ST6GALNAC3: variants seen among roughly 807,000 people sequenced by gnomAD.
The protein encoded by ST6GALNAC3 is alpha-N-acetylgalactosaminide alpha-2,6-sialyltransferase 3.
ST6GALNAC3 carries 25 observed loss-of-function variants against 32.7 expected under a neutral mutation model. The ratio of observed to expected loss-of-function variants is 0.76; its 90% CI spans 0.56 to 1.07. The LOEUF is 1.07. ST6GALNAC3 is among the 50% of genes least tolerant of loss of function. The pLI is 0.00. For synonymous variants in ST6GALNAC3, 129 were observed against 133.1 expected (o/e 0.97, Z 0.21); for missense variants, 355 against 382.4 (o/e 0.93, Z 0.60).
chr1:76,112,667 G>A (rs180710940), intron 1 of ST6GALNAC3, among the ~76,000 whole-genome samples: 14,887 of 149,330 alleles, frequency 0.1, 989 homozygotes, highest in Non-Finnish European at 0.14. Context: ...CAGATGGGGC[G>A]GTTGCCAGGC....
At chr1:76,206,776 A>G (rs1332719270) in intron 1 of ST6GALNAC3, among the ~76,000 whole-genome samples, 4 of 152,144 alleles carry the variant, frequency 2.6e-5, no homozygotes. Flanking sequence ...ATAGATGGTG[A>G]TTGTTATAAA....
At chr1:76,248,008 G>T (rs528920669) in intron 1 of ST6GALNAC3, among the ~76,000 whole-genome samples, 22 of 152,216 alleles carry the variant, frequency 1.4e-4, no homozygotes, top group Admixed American at 1.2e-3. Context: ...TGGGAAAAGC[G>T]TAGTACCCAG....
At chr1:76,514,140 T>G (rs1662033289) in intron 3 of ST6GALNAC3, among the ~76,000 whole-genome samples, 1 of 152,222 alleles carries the variant, frequency 6.6e-6, no homozygotes, top group Non-Finnish European at 1.5e-5. Flanking sequence ...CCAAATTGCA[T>G]GCCTTTTATT....
chr1:76,102,212 C>T (rs1433423516), intron 1 of ST6GALNAC3, among the ~76,000 whole-genome samples: 1 of 149,544 alleles, frequency 6.7e-6, no homozygotes, highest in Non-Finnish European at 1.5e-5. Flanking sequence ...AGCTTTCTTT[C>T]AGTTAGTATT....
intron 3 of ST6GALNAC3, among the ~76,000 whole-genome samples, chr1:76,594,181 G>C (rs1012884452): frequency 2.6e-5 from 4 of 152,044 alleles, no homozygotes; most frequent in Non-Finnish European, 5.9e-5. Flanking sequence ...TTTTTTAGGA[G>C]TATAAACGTA....
chr1:76,326,830 T>G (rs1647081372), intron 2 of ST6GALNAC3, among the ~76,000 whole-genome samples: 2 of 150,730 alleles, frequency 1.3e-5, no homozygotes, highest in Admixed American at 1.3e-4. Flanking sequence ...TTTTGGGTTT[T>G]TTTTTTTTTT....
intron 3 of ST6GALNAC3, among the ~76,000 whole-genome samples, chr1:76,601,870 G>A (rs1011472545): frequency 6.6e-6 from 1 of 152,196 alleles, no homozygotes; most frequent in South Asian, 2.1e-4. Flanking sequence ...AGATTTCAAA[G>A]CAGTTAAGAG....
chr1:76,624,122 G>C (rs1298840524), intron 3 of ST6GALNAC3, among the ~76,000 whole-genome samples: 1 of 151,942 alleles, frequency 6.6e-6, no homozygotes, highest in Non-Finnish European at 1.5e-5. Flanking sequence ...CTGTTTGTAG[G>C]ACAGGGCACT....
chr1:76,127,712 G>C (rs915240616), intron 1 of ST6GALNAC3, among the ~76,000 whole-genome samples: 1 of 152,130 alleles, frequency 6.6e-6, no homozygotes, highest in African/African-American at 2.4e-5. Context: ...TGTCAGCAAT[G>C]TCTGTCTTCT....
intron 1 of ST6GALNAC3, among the ~76,000 whole-genome samples, chr1:76,118,828 AT>A (rs1470601056): frequency 6.6e-6 from 1 of 151,238 alleles, no homozygotes; most frequent in African/African-American, 2.4e-5. Flanking sequence ...CTTGATGGCA[AT>A]TTTTTCTTTT....
intron 3 of ST6GALNAC3, among the ~76,000 whole-genome samples, chr1:76,481,524 C>G (rs1039278776): frequency 1.3e-5 from 2 of 152,170 alleles, no homozygotes; most frequent in African/African-American, 2.4e-5. Context: ...TCTTGACTCT[C>G]TTTGGTTCAG....
At chr1:76,262,729 C>T (rs896604556) in intron 1 of ST6GALNAC3, among the ~76,000 whole-genome samples, 3 of 152,106 alleles carry the variant, frequency 2.0e-5, no homozygotes, top group Non-Finnish European at 4.4e-5. Context: ...GTAATTAGAC[C>T]TTCATCCAAT....
At chr1:76,545,405 C>T (rs780136321) in intron 3 of ST6GALNAC3, among the ~76,000 whole-genome samples, 3 of 152,070 alleles carry the variant, frequency 2.0e-5, no homozygotes, top group Non-Finnish European at 4.4e-5. Flanking sequence ...TGTCATTCGT[C>T]GTAGTATTCT....
At chr1:76,478,369 G>A (rs961869187) in intron 3 of ST6GALNAC3, among the ~76,000 whole-genome samples, 2 of 152,176 alleles carry the variant, frequency 1.3e-5, no homozygotes, top group Non-Finnish European at 2.9e-5. Flanking sequence ...TGTCCTGAAC[G>A]TTCGCAAACA....
chr1:76,278,456 G>C (rs12403092), intron 1 of ST6GALNAC3, among the ~76,000 whole-genome samples: 24,555 of 150,926 alleles, frequency 0.16, 3,747 homozygotes, highest in African/African-American at 0.4. Flanking sequence ...CTCCTGACCT[G>C]GTGATCCGCC....
intron 2 of ST6GALNAC3, among the ~76,000 whole-genome samples, chr1:76,410,868 G>T (rs1051196882): frequency 6.6e-6 from 1 of 152,192 alleles, no homozygotes; most frequent in East Asian, 1.9e-4. Context: ...AAATGAAAAA[G>T]ATAGGCATTG....
At chr1:76,202,321 T>C (rs965828951) in intron 1 of ST6GALNAC3, among the ~76,000 whole-genome samples, 1 of 148,140 alleles carries the variant, frequency 6.8e-6, no homozygotes, top group South Asian at 2.2e-4. Flanking sequence ...TACACACATA[T>C]ACAATTAGCT....
intron 2 of ST6GALNAC3, among the ~76,000 whole-genome samples, chr1:76,385,784 T>G (rs1420742098): frequency 3.3e-5 from 5 of 152,124 alleles, no homozygotes; most frequent in Non-Finnish European, 7.4e-5. Flanking sequence ...GAGGATGAGC[T>G]TACATTGATG....
intron 3 of ST6GALNAC3, among the ~76,000 whole-genome samples, chr1:76,503,516 G>A (rs149709194): frequency 6.6e-6 from 1 of 152,324 alleles, no homozygotes; most frequent in African/African-American, 2.4e-5. Flanking sequence ...CTGTCTTGCA[G>A]GATGAATGTG....
Sources: gnomAD v4.1 joint callset for allele counts (sites outside exome capture counted in the v4.1 genomes callset) on GRCh38, gnomAD v4.1.1 for gene constraint, MANE v1.5 for transcripts, NCBI Gene and HGNC (gene_info 2026-07-23, HGNC 2026-07-21) for gene names.